Variants in HVCN1 observed in about 807,000 individuals in gnomAD.
The protein encoded by HVCN1 is voltage-gated hydrogen channel 1.
Under a neutral mutation model 29.2 loss-of-function variants are expected in HVCN1, and 14 were observed. The observed-to-expected ratio is 0.48, with a 90% CI of 0.32 to 0.75. The LOEUF (loss-of-function observed/expected upper bound fraction) is 0.75, where lower values mean the gene tolerates loss of function less well. Among genes scored for constraint, HVCN1 ranks in the 30% least tolerant of loss-of-function variants. HVCN1 has a pLI of 0.04. For synonymous variants in HVCN1, 131 were observed against 133.2 expected (o/e 0.98, Z 0.11); for missense variants, 263 against 341.8 (o/e 0.77, Z 1.82).
At chr12:110,667,005 T>C (rs1044416449) in intron 3 of HVCN1, among the ~76,000 whole-genome samples, 1 of 152,176 alleles carries the variant, frequency 6.6e-6, no homozygotes, top group Non-Finnish European at 1.5e-5. Flanking sequence ...CATGCACCTG[T>C]TGGCTGAGGG....
intron 1 of HVCN1, among the ~76,000 whole-genome samples, chr12:110,703,281 T>C (rs1017196335): frequency 1.3e-5 from 2 of 151,424 alleles, no homozygotes; most frequent in African/African-American, 4.9e-5. Context: ...CCCAGCTACT[T>C]GAGAGGCTGA....
chr12:110,669,560 T>C (rs1338843239), intron 3 of HVCN1, among the ~76,000 whole-genome samples: 1 of 152,172 alleles, frequency 6.6e-6, no homozygotes, highest in Non-Finnish European at 1.5e-5. Flanking sequence ...GGACTCCGCA[T>C]GGCCTGTCCC....
At chr12:110,693,880 C>A (rs965992300), upstream of HVCN1, among the ~76,000 whole-genome samples, 1 of 152,186 alleles carries the variant, frequency 6.6e-6, no homozygotes, top group Non-Finnish European at 1.5e-5. Context: ...TCAAAGGCCC[C>A]AGATTACAAA....
intron 2 of HVCN1, among the ~76,000 whole-genome samples, chr12:110,686,101 C>A (rs890309022): frequency 6.6e-6 from 1 of 152,004 alleles, no homozygotes; most frequent in Admixed American, 6.6e-5. Context: ...CAGGTTCAAG[C>A]GATTCTCCTG....
intron 1 of HVCN1, among the ~76,000 whole-genome samples, chr12:110,704,194 G>A (rs1400418480): frequency 6.6e-6 from 1 of 152,136 alleles, no homozygotes; most frequent in Non-Finnish European, 1.5e-5. Flanking sequence ...CCGTCCATGG[G>A]GGGTGGTTAA....
intron 3 of HVCN1, among the ~76,000 whole-genome samples, chr12:110,662,108 AGGAAGAGAGAGCCCAAT>A (rs887485858): frequency 7.9e-5 from 12 of 152,312 alleles, no homozygotes; most frequent in Admixed American, 3.9e-4. Context: ...CTACTGGAAC[AGGAAGAGAGAGCCCAAT>A]GGAAGAGAGA....
Position 110,661,087 on chromosome 12 carries a change from C to T in HVCN1, c.306+77G>A. The T allele has an allele frequency of 1.4e-6, 2 of 1,431,570 alleles. No individual in the cohort carries two copies. Among genetic ancestry groups the T allele is most frequent in the Non-Finnish European group, 1.9e-6 (2 of 1,047,350 alleles). 88.7% of individuals were successfully genotyped at this position (1,431,570 alleles called of 1,614,324 possible). On this transcript the variant is annotated intron_variant, in intron 4 of 7. Coordinates refer to ENST00000242607, the MANE Select transcript of HVCN1 (RefSeq NM_032369.4). The surrounding 1 kb of genome is among the most constrained non-coding windows in gnomAD (Gnocchi z 6.2). ...GAATGAGGCAGTGGCCAAATGGGCT[C>T]AGCCTGGCCGCCTGCCTCACATTCC...
At chr12:110,704,008 A>C (rs2069585411) in intron 1 of HVCN1, among the ~76,000 whole-genome samples, 2 of 151,972 alleles carry the variant, frequency 1.3e-5, no homozygotes, top group African/African-American at 4.8e-5. Flanking sequence ...TTTAAAATGT[A>C]TTGTTTCTCT....
In HVCN1 at chr12:110,648,860, TGTCAG is replaced by T; in HGVS notation, c.*545_*549del. On this transcript the variant is annotated 3_prime_UTR_variant, in exon 8 of 8. Transcript: ENST00000242607. ...TTGTACAGTAATTGAGGAAAAATGT[TGTCAG>T]GTGGCAGAAAACAATGGAGCCACCT... is the stretch of plus-strand genomic sequence containing the variant. The T allele has an allele frequency of 2.7e-6, 1 of 375,330 alleles. No homozygotes were observed. The highest frequency in any genetic ancestry group is 4.1e-5 in the Admixed American group (1 of 24,582). 23.2% of individuals were successfully genotyped at this position (375,330 alleles called of 1,614,324 possible).
rs887246745 is a variant in HVCN1 at position 110,661,196 on chromosome 12, A to T, written c.274T>A (p.Leu92Met). ...PRAPLDFRGM[L>M]RKLFSSHRFQ... is the part of the protein sequence containing the mutation. ...CTGTGGGAGCTGAACAGTTTCCTCAACATGCCCCTGAAGTCAAGGGGGGCC... is the reference window on the plus strand; with the variant it reads ...CTGTGGGAGCTGAACAGTTTCCTCATCATGCCCCTGAAGTCAAGGGGGGCC... The change falls in exon 4 of 8, where the codon TTG (leucine) becomes ATG (methionine). Residue 92 changes from leucine (L) to methionine (M), a missense_variant. Physicochemically the swap from Leu to Met is conservative, Grantham distance 15. Coordinates refer to ENST00000242607, the MANE Select transcript of HVCN1 (RefSeq NM_032369.4). The surrounding 1 kb of genome is among the most constrained non-coding windows in gnomAD (Gnocchi z 6.2). The T allele has an allele frequency of 9.9e-6, 16 of 1,612,306 alleles. No homozygotes were observed. Among genetic ancestry groups the T allele is most frequent in the African/African-American group, 2.7e-5 (2 of 74,872 alleles).
chr12:110,649,284 G>GCAGGAGGGAGGCAGA lies in HVCN1; in HGVS notation c.*111_*125dup. The stretch of plus-strand genomic sequence containing the variant: ...CTGTGTCCACCCAGAATCCATGCTG[G>GCAGGAGGGAGGCAGA]CAGGAGGGAGGCAGAGGTATCAAAC... On this transcript the variant is annotated 3_prime_UTR_variant, in exon 8 of 8. Coordinates refer to ENST00000242607, the MANE Select transcript of HVCN1 (RefSeq NM_032369.4). 1 of 743,820 alleles carries GCAGGAGGGAGGCAGA rather than the reference G, an allele frequency of 1.3e-6. No homozygotes were observed. The highest frequency in any genetic ancestry group is 2.4e-6 in the Non-Finnish European group (1 of 418,592). The allele number at this position is 743,820 out of a possible 1,614,324, so 46.1% of individuals were successfully genotyped here. A position where few individuals can be genotyped will look rare whatever the true frequency, so the allele number is the denominator to read the frequency against.
intron 3 of HVCN1, among the ~76,000 whole-genome samples, chr12:110,680,840 G>A (rs750462745): frequency 6.6e-6 from 1 of 152,130 alleles, no homozygotes; most frequent in Non-Finnish European, 1.5e-5. Context: ...TGAGGCCCAA[G>A]AACCATTTGA....
intron 3 of HVCN1, among the ~76,000 whole-genome samples, chr12:110,669,420 C>G (rs1470579473): frequency 1.3e-5 from 2 of 152,140 alleles, no homozygotes; most frequent in Non-Finnish European, 2.9e-5. Context: ...AGGATCGAGT[C>G]CCAGCTCTCT....
intron 2 of HVCN1, among the ~76,000 whole-genome samples, chr12:110,701,468 G>A (rs1255733766): frequency 2.6e-5 from 4 of 152,178 alleles, no homozygotes; most frequent in Non-Finnish European, 4.4e-5. Context: ...AGCACTCCAG[G>A]AGATCTTCAG....
rs548422626 is a variant in HVCN1 at position 110,668,130 on chromosome 12, G to A, written c.22-6682C>T. 8.5e-5 allele frequency among the ~76,000 whole-genome samples: 13 copies of A among 152,168 alleles called. 1 individual carries two copies. The highest frequency in any genetic ancestry group is 2.9e-4 in the African/African-American group (12 of 41,502). On this transcript the variant is annotated intron_variant, in intron 3 of 7. Coordinates refer to ENST00000242607, the MANE Select transcript of HVCN1 (RefSeq NM_032369.4). ...TAATTTTTGTAATTTTAGTAGTGTG[G>A]CGTACAGAGCACCTGCCTCGGTGCC... is the stretch of plus-strand genomic sequence containing the variant.
Position 110,661,159 on chromosome 12 carries a change from C to T in HVCN1, c.306+5G>A. ...CTGGGTATCCCGGACTCCTGCCCCACCTACCTGAAACCTGTGGGAGCTGAA... is the reference window on the plus strand; with the variant it reads ...CTGGGTATCCCGGACTCCTGCCCCATCTACCTGAAACCTGTGGGAGCTGAA... On this transcript the variant is annotated splice_donor_5th_base_variant and intron_variant, in intron 4 of 7. Transcript: ENST00000242607. The surrounding 1 kb of genome is among the most constrained non-coding windows in gnomAD (Gnocchi z 6.2). 6.3e-7 allele frequency: 1 copy of T among 1,589,040 alleles called. No homozygotes were observed. The highest frequency in any genetic ancestry group is 8.6e-7 in the Non-Finnish European group (1 of 1,164,654).
At chr12:110,692,674 C>T (rs1239203090), upstream of HVCN1, among the ~76,000 whole-genome samples, 16 of 151,964 alleles carry the variant, frequency 1.1e-4, no homozygotes, top group African/African-American at 2.7e-4. Context: ...CAGTGAGCTA[C>T]GATTGCACCA....
intron 2 of HVCN1, among the ~76,000 whole-genome samples, chr12:110,684,037 A>G (rs1174505668): frequency 6.6e-6 from 1 of 151,976 alleles, no homozygotes; most frequent in African/African-American, 2.4e-5. Flanking sequence ...CACATATTGT[A>G]TGATTCCATT....
intron 3 of HVCN1, among the ~76,000 whole-genome samples, chr12:110,663,587 C>CAAAAA (rs1182792368): frequency 1.2e-4 from 3 of 25,802 alleles, no homozygotes; most frequent in African/African-American, 1.2e-4. Flanking sequence ...GACGCTGTCT[C>CAAAAA]AAAAAAAAAA....
Sources: allele counts gnomAD v4.1 joint callset (sites outside exome capture counted in the v4.1 genomes callset), GRCh38; gene constraint gnomAD v4.1.1; non-coding constraint Gnocchi (gnomAD v3.1); transcripts MANE v1.5; gene names NCBI Gene and HGNC (gene_info 2026-07-23, HGNC 2026-07-21).